TMEM108: variants seen among roughly 807,000 people sequenced by gnomAD.
TMEM108 encodes the protein cancer/testis antigen 124.
TMEM108 carries 12 observed loss-of-function variants against 35.1 expected under a neutral mutation model. The ratio of observed to expected loss-of-function variants is 0.34; its 90% CI spans 0.22 to 0.55. The LOEUF is 0.55. Among genes scored for constraint, TMEM108 ranks in the 20% least tolerant of loss-of-function variants. The probability of loss-of-function intolerance (pLI) is 0.89; values close to 1 mark genes in which losing one functional copy is unlikely to be tolerated. For missense variants in TMEM108, 680 were observed against 753.3 expected (o/e 0.90, Z 1.14); for synonymous variants, 287 against 308.6 (o/e 0.93, Z 0.73).
intron 2 of TMEM108, among the ~76,000 whole-genome samples, chr3:133,163,048 G>A (rs1252151159): frequency 6.6e-6 from 1 of 152,166 alleles, no homozygotes; most frequent in Admixed American, 6.5e-5. Flanking sequence ...TCTGTTGCTT[G>A]CTTTCTAACT....
At chr3:133,314,313 A>C (rs1045847669) in intron 3 of TMEM108, among the ~76,000 whole-genome samples, 2 of 152,206 alleles carry the variant, frequency 1.3e-5, no homozygotes, top group Non-Finnish European at 2.9e-5. Context: ...TCATCCAGTT[A>C]ATAGGAGAGG....
chr3:133,199,795 G>A lies in TMEM108; in HGVS notation c.-46-29471G>A, dbSNP rs139414706. On this transcript the variant is annotated intron_variant, in intron 2 of 5. Transcript: ENST00000321871. Reference sequence around the variant, plus strand: ...GAGAACCACTACTCTCTTCAAAGCTGTCAGACTGGGACGTTTAAGTCTGCA... The same window carrying A: ...GAGAACCACTACTCTCTTCAAAGCTATCAGACTGGGACGTTTAAGTCTGCA... Among the ~76,000 whole-genome samples, 303 of 152,308 alleles carry A rather than the reference G, an allele frequency of 2.0e-3. 1 individual carries two copies. The highest frequency in any genetic ancestry group is 6.8e-3 in the East Asian group (35 of 5,184).
intron 2 of TMEM108, among the ~76,000 whole-genome samples, chr3:133,064,857 A>G (rs1194806068): frequency 3.3e-5 from 5 of 152,176 alleles, no homozygotes; most frequent in Non-Finnish European, 7.3e-5. Context: ...TCACTTATGC[A>G]GTATGTAAAT....
At chr3:133,227,519 G>A (rs112568871) in intron 2 of TMEM108, among the ~76,000 whole-genome samples, 11,154 of 151,542 alleles carry the variant, frequency 0.074, 561 homozygotes, top group East Asian at 0.15. Context: ...AACCATGGTA[G>A]AGTGTCTGTG....
At chr3:133,101,434 A>G (rs1160175040) in intron 2 of TMEM108, among the ~76,000 whole-genome samples, 2 of 152,212 alleles carry the variant, frequency 1.3e-5, no homozygotes, top group Non-Finnish European at 2.9e-5. Flanking sequence ...ATAGGAATTC[A>G]TCACATCAGT....
intron 2 of TMEM108, among the ~76,000 whole-genome samples, chr3:133,197,229 T>G (rs913031864): frequency 6.6e-6 from 1 of 152,198 alleles, no homozygotes; most frequent in Non-Finnish European, 1.5e-5. Flanking sequence ...TACAGGTAAT[T>G]AAAGGTTTTT....
chr3:133,094,964 G>A (rs1294119252), intron 2 of TMEM108, among the ~76,000 whole-genome samples: 1 of 152,104 alleles, frequency 6.6e-6, no homozygotes, highest in Admixed American at 6.6e-5. Context: ...GAATGAGTGG[G>A]GAGTTAGTAA....
intron 2 of TMEM108, among the ~76,000 whole-genome samples, chr3:133,182,482 G>T (rs1945361713): frequency 6.6e-6 from 1 of 152,172 alleles, no homozygotes; most frequent in African/African-American, 2.4e-5. Flanking sequence ...GGAATCCTGG[G>T]AATCCCCTGA....
chr3:133,266,256 C>T lies in TMEM108; in HGVS notation c.40+36905C>T, dbSNP rs529723625. Among the ~76,000 whole-genome samples the T allele has an allele frequency of 1.6e-4, 25 of 152,202 alleles. No individual in the cohort carries two copies. The South Asian group carries it at 4.8e-3, about 29-fold the overall frequency. ...GTATTCTTATAAACCACCTATCTCC[C>T]TTGGGGCATAGATTAGATATCAAAT... On this transcript the variant is annotated intron_variant, in intron 3 of 5. Transcript: ENST00000321871.
chr3:133,264,784 A>G (rs1335529818), intron 3 of TMEM108, among the ~76,000 whole-genome samples: 1 of 152,200 alleles, frequency 6.6e-6, no homozygotes, highest in Admixed American at 6.5e-5. Context: ...GAAGTTACCT[A>G]CCCTATAGGC....
intron 2 of TMEM108, among the ~76,000 whole-genome samples, chr3:133,099,373 G>C (rs1944057518): frequency 6.6e-6 from 1 of 152,190 alleles, no homozygotes. Flanking sequence ...TGATGGGAGG[G>C]GCTGCCGTGA....
intron 2 of TMEM108, among the ~76,000 whole-genome samples, chr3:133,225,254 G>A (rs184186163): frequency 1.1e-3 from 171 of 152,156 alleles, no homozygotes; most frequent in South Asian, 3.7e-3. Context: ...CATCGTGTTA[G>A]CCAGGATGGT....
intron 3 of TMEM108, among the ~76,000 whole-genome samples, chr3:133,361,711 C>A (rs969606690): frequency 6.6e-6 from 1 of 152,106 alleles, no homozygotes; most frequent in African/African-American, 2.4e-5. Flanking sequence ...CTCGTGTGGT[C>A]TCTCAAGCAT....
intron 2 of TMEM108, among the ~76,000 whole-genome samples, chr3:133,177,595 G>C (rs1377573870): frequency 6.6e-6 from 1 of 152,012 alleles, no homozygotes; most frequent in Non-Finnish European, 1.5e-5. Flanking sequence ...ATGCAGAAAA[G>C]GCCTTAGACA....
At chr3:133,383,485 T>C (rs1388597113) in intron 4 of TMEM108, among the ~76,000 whole-genome samples, 1 of 152,202 alleles carries the variant, frequency 6.6e-6, no homozygotes. Flanking sequence ...TTAGGGAATC[T>C]GAGATATGGG....
chr3:133,373,695 A>G (rs1188071773), intron 3 of TMEM108, among the ~76,000 whole-genome samples: 1 of 152,184 alleles, frequency 6.6e-6, no homozygotes, highest in African/African-American at 2.4e-5. Flanking sequence ...TCATGCAGAA[A>G]ACAAACTCCC....
At chr3:133,043,774 T>TA (rs1179608002) in intron 1 of TMEM108, among the ~76,000 whole-genome samples, 6 of 151,674 alleles carry the variant, frequency 4.0e-5, no homozygotes, top group African/African-American at 9.7e-5. Context: ...TGCTAGGAAT[T>TA]AAAAAAAAAT....
At chr3:133,329,746 G>A (rs1032221808) in intron 3 of TMEM108, among the ~76,000 whole-genome samples, 1 of 152,092 alleles carries the variant, frequency 6.6e-6, no homozygotes, top group Non-Finnish European at 1.5e-5. Flanking sequence ...AAAGCAAATT[G>A]CAAAGTGAAG....
intron 2 of TMEM108, among the ~76,000 whole-genome samples, chr3:133,179,154 C>G (rs1297721806): frequency 6.6e-6 from 1 of 150,822 alleles, no homozygotes; most frequent in Non-Finnish European, 1.5e-5. Context: ...AGTCAGGAAA[C>G]AACAGGTGCT....
Sources: allele counts gnomAD v4.1 joint callset (sites outside exome capture counted in the v4.1 genomes callset), GRCh38; gene constraint gnomAD v4.1.1; transcripts MANE v1.5; gene names NCBI Gene and HGNC (gene_info 2026-07-23, HGNC 2026-07-21).